GRK3: variants seen among roughly 807,000 people sequenced by gnomAD.
The protein encoded by GRK3 is adrenergic, beta, receptor kinase 2.
A neutral mutation model predicts 95.7 loss-of-function variants in GRK3; 54 were observed. That is an observed-to-expected ratio of 0.56 (90% CI 0.45 to 0.71). The LOEUF (loss-of-function observed/expected upper bound fraction) is 0.71, where lower values mean the gene tolerates loss of function less well. Among genes scored for constraint, GRK3 ranks in the 30% least tolerant of loss-of-function variants. The probability of loss-of-function intolerance (pLI) is 0.00; values close to 1 mark genes in which losing one functional copy is unlikely to be tolerated. For missense variants in GRK3, 649 were observed against 851.2 expected, an observed-to-expected ratio of 0.76 and a Z score of 2.96; for synonymous variants, 281 against 290.8, an observed-to-expected ratio of 0.97 and a Z score of 0.34.
intron 11 of GRK3, among the ~76,000 whole-genome samples, chr22:25,689,585 T>A (rs532462973): frequency 3.3e-5 from 5 of 152,344 alleles, no homozygotes; most frequent in African/African-American, 1.2e-4. Flanking sequence ...AATCTAATCT[T>A]CATGGATACA....
intron 4 of GRK3, among the ~76,000 whole-genome samples, chr22:25,662,692 C>T (rs2084917346): frequency 6.6e-6 from 1 of 152,208 alleles, no homozygotes; most frequent in African/African-American, 2.4e-5. Flanking sequence ...TACTCCATGC[C>T]TTGCTGCCTC....
intron 1 of GRK3, among the ~76,000 whole-genome samples, chr22:25,569,507 G>A (rs893246921): frequency 1.3e-5 from 2 of 152,154 alleles, no homozygotes; most frequent in African/African-American, 4.8e-5. Context: ...TACACGCAAT[G>A]GATTCTTAGA....
chr22:25,642,491 T>C (rs2084750370), intron 2 of GRK3, among the ~76,000 whole-genome samples: 1 of 152,154 alleles, frequency 6.6e-6, no homozygotes, highest in Non-Finnish European at 1.5e-5. Flanking sequence ...GGATGATCTT[T>C]TATTTCTATG....
At chr22:25,603,886 A>C (rs1200862350) in intron 1 of GRK3, among the ~76,000 whole-genome samples, 2 of 152,176 alleles carry the variant, frequency 1.3e-5, no homozygotes, top group Non-Finnish European at 2.9e-5. Context: ...TAAGTCTTTT[A>C]ATTATGTTTT....
chr22:25,581,975 C>A (rs1022956268), intron 1 of GRK3, among the ~76,000 whole-genome samples: 3 of 152,096 alleles, frequency 2.0e-5, no homozygotes, highest in African/African-American at 7.2e-5. Context: ...TCAGAATAAT[C>A]ATTTTAAAAT....
intron 1 of GRK3, among the ~76,000 whole-genome samples, chr22:25,579,998 C>A (rs1932043949): frequency 6.6e-6 from 1 of 152,194 alleles, no homozygotes; most frequent in Non-Finnish European, 1.5e-5. Context: ...GATGAAATAA[C>A]TGTGTACCCC....
chr22:25,657,259 G>A (rs975402019), intron 3 of GRK3, among the ~76,000 whole-genome samples: 16 of 152,162 alleles, frequency 1.1e-4, no homozygotes. Flanking sequence ...TTTATATCTA[G>A]TTGTTCTATC....
At chr22:25,600,221 A>C (rs886685570) in intron 1 of GRK3, among the ~76,000 whole-genome samples, 3 of 147,954 alleles carry the variant, frequency 2.0e-5, no homozygotes, top group Non-Finnish European at 4.4e-5. Context: ...ATCTCGGCTC[A>C]CTGCAACGTC....
chr22:25,646,945 C>T lies in GRK3; in HGVS notation c.264+2280C>T, dbSNP rs143348787. ...CTGAGGCAGGAGAATCACTTGAACC[C>T]GGGAGGCAGAAGTTGCAGTGAGCTG... On this transcript the variant is annotated intron_variant, in intron 3 of 20. Transcript: ENST00000324198. 8.4e-4 allele frequency among the ~76,000 whole-genome samples: 119 copies of T among 141,442 alleles called. 1 individual carries two copies. In the East Asian group the frequency reaches 0.02, roughly 24 times the overall value. The allele number at this position is 141,442 out of a possible 152,430, so 92.8% of individuals were successfully genotyped here.
chr22:25,570,939 T>G (rs930927981), intron 1 of GRK3, among the ~76,000 whole-genome samples: 12 of 152,226 alleles, frequency 7.9e-5, no homozygotes, highest in Non-Finnish European at 1.8e-4. Context: ...CATATTTGAA[T>G]ACTTTCTATG....
intron 19 of GRK3, among the ~76,000 whole-genome samples, chr22:25,720,467 CTTTTTTTTTT>C (rs963248407): frequency 1.9e-5 from 2 of 102,574 alleles, no homozygotes; most frequent in African/African-American, 7.7e-5. Flanking sequence ...ATACTATAGA[CTTTTTTTTTT>C]TTTTTTTTTT....
chr22:25,713,256 C>G (rs1223467793), intron 17 of GRK3, among the ~76,000 whole-genome samples: 1 of 138,496 alleles, frequency 7.2e-6, no homozygotes, highest in Non-Finnish European at 1.5e-5. Context: ...CCCCATCACT[C>G]ACACACACAC....
rs2085309727 is a variant in GRK3, at chr22:25,707,566, G to A, written c.1329-2332G>A. 2.6e-5 allele frequency among the ~76,000 whole-genome samples: 4 copies of A among 152,244 alleles called. No individual in the cohort carries two copies. The South Asian group carries it at 8.3e-4, about 31-fold the overall frequency. On this transcript the variant is annotated intron_variant, in intron 15 of 20. Transcript: ENST00000324198. The stretch of plus-strand genomic sequence containing the variant: ...GGTCCAGATAGTGAGAAGTACCTGT[G>A]TGGAGGACGAGGTGCCACCTTATGA...
intron 2 of GRK3, among the ~76,000 whole-genome samples, chr22:25,631,896 T>A (rs2084666670): frequency 6.6e-6 from 1 of 152,228 alleles, no homozygotes; most frequent in African/African-American, 2.4e-5. Context: ...ACTTTGCACG[T>A]ATGAGTAGTT....
At position 25,727,871 on chromosome 22, in the gene GRK3, T is replaced by C. The variant is rs1393495251; in HGVS notation, c.*5421T>C. On this transcript the variant is annotated 3_prime_UTR_variant, in exon 21 of 21. Transcript: ENST00000324198. Reference sequence around the variant, plus strand: ...AAATGATGTATATATTATATGTGGTTTATAAGCTCAACACTGGCCATTTTT... The same window carrying C: ...AAATGATGTATATATTATATGTGGTCTATAAGCTCAACACTGGCCATTTTT... 6.6e-6 allele frequency: 1 copy of C among 152,194 alleles called. No homozygotes were observed. The highest frequency in any genetic ancestry group is 2.4e-5 in the African/African-American group (1 of 41,458). 9.4% of individuals were successfully genotyped at this position (152,194 alleles called of 1,614,324 possible).
chr22:25,617,152 T>C (rs1423461054), intron 2 of GRK3, among the ~76,000 whole-genome samples: 2 of 152,230 alleles, frequency 1.3e-5, no homozygotes, highest in Non-Finnish European at 2.9e-5. Flanking sequence ...CCTTATACGA[T>C]GCACTTACTC....
chr22:25,647,330 G>T, intron 3 of GRK3: 1 of 1,239,506 alleles, frequency 8.1e-7, no homozygotes, highest in Non-Finnish European at 1.2e-6. Context: ...TCCAGAGCCT[G>T]TCAGTACAAG....
At chr22:25,625,802 G>A (rs763057600) in intron 2 of GRK3, among the ~76,000 whole-genome samples, 24 of 152,312 alleles carry the variant, frequency 1.6e-4, no homozygotes, top group Middle Eastern at 3.4e-3. Flanking sequence ...AAATAATGGC[G>A]TAAGCTGTTT....
chr22:25,581,550 T>G (rs2146319060), intron 1 of GRK3, among the ~76,000 whole-genome samples: 1 of 152,278 alleles, frequency 6.6e-6, no homozygotes, highest in East Asian at 1.9e-4. Context: ...GGGTAGAGTT[T>G]TAAGAGGCTC....
Sources: gnomAD v4.1 joint callset for allele counts (sites outside exome capture counted in the v4.1 genomes callset) on GRCh38, gnomAD v4.1.1 for gene constraint, MANE v1.5 for transcripts, NCBI Gene and HGNC (gene_info 2026-07-23, HGNC 2026-07-21) for gene names.